PLAC1: variants seen among roughly 807,000 people sequenced by gnomAD.
The protein encoded by PLAC1 is placenta associated 1.
For synonymous variants in PLAC1, 68 were observed against 62.1 expected (o/e 1.09, Z -0.44); for missense variants, 136 against 163.2 (o/e 0.83, Z 0.91).
chrX:134,659,445 C>T (rs773650132), upstream of PLAC1, among the ~76,000 whole-genome samples: 93 of 111,099 alleles, frequency 8.4e-4, no homozygotes, highest in African/African-American at 2.9e-3. Context: ...ATATCCTGGG[C>T]GAAGGGTTTG....
intron 1 of PLAC1, among the ~76,000 whole-genome samples, chrX:134,736,992 G>A: frequency 8.9e-6 from 1 of 112,640 alleles, no homozygotes; most frequent in Non-Finnish European, 1.9e-5. Context: ...TCTACCCAGA[G>A]AGAAGTCTAT....
chrX:134,604,961 G>A (rs2078115513), intron 1 of PLAC1, among the ~76,000 whole-genome samples: 2 of 111,613 alleles, frequency 1.8e-5, no homozygotes, highest in South Asian at 7.6e-4. Context: ...GATAGTCAGA[G>A]CAGGCATTTT....
intron 2 of PLAC1, among the ~76,000 whole-genome samples, chrX:134,571,776 T>C (rs978414968): frequency 9.0e-6 from 1 of 111,164 alleles, no homozygotes; most frequent in African/African-American, 3.3e-5. Flanking sequence ...TGCCTCCCCA[T>C]CTCCTCTGAT....
chrX:134,638,762 T>TAA lies in PLAC1; in HGVS notation c.-131+19564_-131+19565dup, dbSNP rs56714261. Among the ~76,000 whole-genome samples the TAA allele has an allele frequency of 1.2e-4, 12 of 102,800 alleles. No homozygotes were observed. The East Asian group carries it at 1.2e-3, about 10-fold the overall frequency. The allele number at this position is 102,800 out of a possible 115,157, so 89.3% of individuals were successfully genotyped here. ...TGGCTATTGCCATTGCTGGCTTTTT[T>TAA]AAAAAAAAAAAAAGCAAACAAACAA... On this transcript the variant is annotated intron_variant, in intron 1 of 2. Coordinates refer to ENST00000359237, the MANE Select transcript of PLAC1 (RefSeq NM_021796.4).
At chrX:134,657,156 A>G (rs111932658) in intron 1 of PLAC1, among the ~76,000 whole-genome samples, 67 of 112,482 alleles carry the variant, frequency 6.0e-4, no homozygotes, top group African/African-American at 2.1e-3. Context: ...TCATCCAAAT[A>G]ATCATAGTAA....
intron 1 of PLAC1, among the ~76,000 whole-genome samples, chrX:134,762,196 A>AC (rs143993606): frequency 0.088 from 8,082 of 92,221 alleles, 596 homozygotes; most frequent in African/African-American, 0.21. Context: ...CTGTTGAGGC[A>AC]CCCCCCCCCC....
chrX:134,610,414 G>A (rs1379449818), intron 1 of PLAC1, among the ~76,000 whole-genome samples: 1 of 110,739 alleles, frequency 9.0e-6, no homozygotes, highest in Non-Finnish European at 1.9e-5. Flanking sequence ...GTTTTCCTAG[G>A]GTTCCAGTAT....
At chrX:134,756,992 T>C (rs2078759139) in intron 1 of PLAC1, among the ~76,000 whole-genome samples, 1 of 111,943 alleles carries the variant, frequency 8.9e-6, no homozygotes, top group African/African-American at 3.2e-5. Context: ...GAATTTGAAG[T>C]GACATGAAAA....
At chrX:134,750,379 C>T (rs1384323179) in intron 1 of PLAC1, among the ~76,000 whole-genome samples, 1 of 110,148 alleles carries the variant, frequency 9.1e-6, no homozygotes, top group South Asian at 3.9e-4. Context: ...TCTTTCTCCT[C>T]GGGTCCCCAA....
intron 1 of PLAC1, among the ~76,000 whole-genome samples, chrX:134,733,819 A>G (rs1415386126): frequency 2.7e-5 from 3 of 110,834 alleles, no homozygotes; most frequent in Non-Finnish European, 5.7e-5. Flanking sequence ...TGAGAGGGAA[A>G]AAAACCAGAT....
intron 1 of PLAC1, among the ~76,000 whole-genome samples, chrX:134,741,942 G>A (rs2078718016): frequency 9.0e-6 from 1 of 111,331 alleles, no homozygotes; most frequent in Non-Finnish European, 1.9e-5. Flanking sequence ...GGAAGTGGCT[G>A]TGGAGAGCAG....
intron 1 of PLAC1, among the ~76,000 whole-genome samples, chrX:134,763,817 G>GAAA (rs1279521008): frequency 1.8e-5 from 1 of 55,363 alleles, no homozygotes; most frequent in African/African-American, 6.9e-5. Flanking sequence ...AAGAAACTCC[G>GAAA]AAAAAAAAAA....
chrX:134,630,255 G>C (rs912330472), intron 1 of PLAC1, among the ~76,000 whole-genome samples: 1 of 111,938 alleles, frequency 8.9e-6, no homozygotes, highest in Non-Finnish European at 1.9e-5. Flanking sequence ...ACAGGCGTGA[G>C]CCACCACGCC....
At chrX:134,675,388 G>A (rs1229860102) in intron 2 of PLAC1, among the ~76,000 whole-genome samples, 2 of 112,441 alleles carry the variant, frequency 1.8e-5, no homozygotes, top group Non-Finnish European at 1.9e-5. Context: ...TGGCCTGGCC[G>A]GGCGTGGTGG....
chrX:134,593,795 TA>T (rs751295120), intron 2 of PLAC1, among the ~76,000 whole-genome samples: 25 of 111,639 alleles, frequency 2.2e-4, no homozygotes, highest in African/African-American at 7.8e-4. Context: ...TTTAGGAGTT[TA>T]AAAAAAATAG....
intron 1 of PLAC1, among the ~76,000 whole-genome samples, chrX:134,638,332 TAA>T (rs1461165608): frequency 2.6e-4 from 29 of 112,293 alleles, no homozygotes; most frequent in Admixed American, 6.6e-4. Flanking sequence ...CCATTTAGAC[TAA>T]AGAGTTGTTC....
intron 2 of PLAC1, among the ~76,000 whole-genome samples, chrX:134,589,157 G>A (rs961336750): frequency 9.0e-6 from 1 of 111,320 alleles, no homozygotes; most frequent in Admixed American, 9.6e-5. Flanking sequence ...AGAAGCCTGA[G>A]GAAGAATATT....
At chrX:134,735,995 G>C (rs1215029794) in intron 1 of PLAC1, among the ~76,000 whole-genome samples, 3 of 109,617 alleles carry the variant, frequency 2.7e-5, no homozygotes, top group Non-Finnish European at 5.7e-5. Context: ...AGAAGTAAAG[G>C]GGCTGGGCGC....
At position 134,684,113 on chromosome X, in the gene PLAC1, T is replaced by A. The variant is rs943869988; in HGVS notation, n.174+49322A>T. Among the ~76,000 whole-genome samples, 3 of 110,963 alleles carry A rather than the reference T, an allele frequency of 2.7e-5. No homozygotes were observed. In the East Asian group the frequency reaches 8.5e-4, roughly 32 times the overall value. On this transcript the variant is annotated intron_variant and non_coding_transcript_variant, in intron 2 of 2. Coordinates refer to the PLAC1 transcript ENST00000466797. Reference sequence around the variant, plus strand: ...GAGGGGTGAAATGGGAGAAGGAGACTGAGAATGGGACTCTTCTACAGGATG... The same window carrying A: ...GAGGGGTGAAATGGGAGAAGGAGACAGAGAATGGGACTCTTCTACAGGATG...
Sources: gnomAD v4.1 joint callset for allele counts (sites outside exome capture counted in the v4.1 genomes callset) on GRCh38, gnomAD v4.1.1 for gene constraint, MANE v1.5 for transcripts, NCBI Gene and HGNC (gene_info 2026-07-23, HGNC 2026-07-21) for gene names.